The following WASF3 variants were observed in gnomAD, a reference collection of about 807,000 sequenced individuals.
The protein encoded by WASF3 is actin-binding protein WASF3.
Under a neutral mutation model 46.6 loss-of-function variants are expected in WASF3, and 11 were observed. The ratio of observed to expected loss-of-function variants is 0.24; its 90% CI spans 0.15 to 0.39. The LOEUF (loss-of-function observed/expected upper bound fraction) is 0.39, where lower values mean the gene tolerates loss of function less well. Ranked by LOEUF, WASF3 falls within the 10% of genes least tolerant of loss-of-function variation. The pLI, the probability that WASF3 is intolerant of heterozygous loss-of-function variation, is 1.00. For missense variants in WASF3, 576 were observed against 669.8 expected (o/e 0.86, Z 1.55); for synonymous variants, 242 against 259.7 (o/e 0.93, Z 0.65).
chr13:26,658,876 G>A (rs2137449904), intron 3 of WASF3, among the ~76,000 whole-genome samples: 1 of 152,336 alleles, frequency 6.6e-6, no homozygotes, highest in East Asian at 1.9e-4. Flanking sequence ...CCAGGACTCA[G>A]TTCTTATGTT....
the WASF3 span, among the ~76,000 whole-genome samples, chr13:26,546,436 T>A: frequency 6.6e-6 from 1 of 152,234 alleles, no homozygotes; most frequent in Admixed American, 6.5e-5. Context: ...GTGCGGTGGC[T>A]CACGCCTGCA....
At chr13:26,575,011 T>G (rs1226140758) in intron 1 of WASF3, among the ~76,000 whole-genome samples, 2 of 152,134 alleles carry the variant, frequency 1.3e-5, no homozygotes, top group Non-Finnish European at 2.9e-5. Context: ...TAATTTTTTG[T>G]ATTTTTACTA....
At chr13:26,578,219 AG>A in intron 1 of WASF3, among the ~76,000 whole-genome samples, 1 of 152,240 alleles carries the variant, frequency 6.6e-6, no homozygotes, top group East Asian at 1.9e-4. Flanking sequence ...TCCTGATTTC[AG>A]GGGGAAAGCA....
chr13:26,629,058 C>T (rs1881568875), intron 2 of WASF3, among the ~76,000 whole-genome samples: 1 of 152,212 alleles, frequency 6.6e-6, no homozygotes, highest in Admixed American at 6.5e-5. Context: ...GTGATGTGAC[C>T]ATTGGATCCT....
intron 2 of WASF3, among the ~76,000 whole-genome samples, chr13:26,616,287 T>C (rs1449830149): frequency 2.0e-5 from 3 of 152,218 alleles, no homozygotes; most frequent in South Asian, 4.1e-4. Context: ...AACAGTCTTT[T>C]TAAGTTTAGC....
At chr13:26,583,894 TGCA>T (rs1228353761) in intron 1 of WASF3, among the ~76,000 whole-genome samples, 1 of 152,218 alleles carries the variant, frequency 6.6e-6, no homozygotes, top group East Asian at 1.9e-4. Context: ...AGGTTTGCAG[TGCA>T]GAAGCTGAAA....
At chr13:26,596,970 C>T (rs1880486999) in intron 1 of WASF3, among the ~76,000 whole-genome samples, 1 of 152,096 alleles carries the variant, frequency 6.6e-6, no homozygotes, top group Non-Finnish European at 1.5e-5. Context: ...TGAAATCTTC[C>T]AACTGCTCAT....
At chr13:26,626,869 A>G (rs1881479919) in intron 2 of WASF3, among the ~76,000 whole-genome samples, 1 of 152,200 alleles carries the variant, frequency 6.6e-6, no homozygotes, top group South Asian at 2.1e-4. Context: ...TACAGAAACA[A>G]AAACTGATAG....
At chr13:26,576,330 CT>C (rs1029134171) in intron 1 of WASF3, among the ~76,000 whole-genome samples, 2 of 151,250 alleles carry the variant, frequency 1.3e-5, no homozygotes, top group Middle Eastern at 3.4e-3. Flanking sequence ...TCATTACTTT[CT>C]TTTTTTTTCC....
At chr13:26,648,200 G>A (rs1216388779) in intron 3 of WASF3, among the ~76,000 whole-genome samples, 1 of 152,018 alleles carries the variant, frequency 6.6e-6, no homozygotes, top group Non-Finnish European at 1.5e-5. Context: ...GTCATAAATG[G>A]CCCAAAATCC....
intron 3 of WASF3, among the ~76,000 whole-genome samples, chr13:26,650,106 G>T (rs991739489): frequency 6.6e-6 from 1 of 152,114 alleles, no homozygotes; most frequent in Admixed American, 6.5e-5. Context: ...TTTTTAACAT[G>T]CCTGCCCTCA....
intron 2 of WASF3, among the ~76,000 whole-genome samples, chr13:26,624,629 C>G (rs1286586293): frequency 6.6e-6 from 1 of 151,782 alleles, no homozygotes; most frequent in Non-Finnish European, 1.5e-5. Flanking sequence ...CTCAGAGAAC[C>G]CCAAGCAGGA....
At chr13:26,545,965 A>G in the WASF3 span, among the ~76,000 whole-genome samples, 1 of 152,190 alleles carries the variant, frequency 6.6e-6, no homozygotes, top group South Asian at 2.1e-4. Context: ...AAATTATCTT[A>G]CTTAAAATGT....
chr13:26,543,816 T>C, the WASF3 span, among the ~76,000 whole-genome samples: 7 of 152,224 alleles, frequency 4.6e-5, no homozygotes, highest in African/African-American at 1.7e-4. Flanking sequence ...CTGGTTTCCA[T>C]TGGCAATCGA....
intron 2 of WASF3, among the ~76,000 whole-genome samples, chr13:26,621,117 C>T (rs1262167200): frequency 6.6e-6 from 1 of 152,114 alleles, no homozygotes; most frequent in Non-Finnish European, 1.5e-5. Context: ...TCCCATTCCC[C>T]ACTGAGAATG....
At chr13:26,630,727 A>T (rs1593158637) in intron 2 of WASF3, among the ~76,000 whole-genome samples, 1 of 152,204 alleles carries the variant, frequency 6.6e-6, no homozygotes, top group Admixed American at 6.5e-5. Flanking sequence ...TCCTTGAGGA[A>T]TCACCACACT....
chr13:26,590,475 A>G (rs1019660493), intron 1 of WASF3, among the ~76,000 whole-genome samples: 7 of 152,352 alleles, frequency 4.6e-5, no homozygotes, highest in Non-Finnish European at 8.8e-5. Flanking sequence ...TTACTCCTAC[A>G]GATGTCACCT....
rs150790840 is a variant in WASF3 at position 26,664,723 on chromosome 13, G to C, written c.134-305G>C. 2.3e-3 allele frequency among the ~76,000 whole-genome samples: 343 copies of C among 152,354 alleles called. 2 individuals carry two copies. The highest frequency in any genetic ancestry group is 4.2e-3 in the Non-Finnish European group (289 of 68,030). Reference sequence around the variant, plus strand: ...CTGAGATTGTATTTACACTTAAAGCGTGAAAAATGAGAACTTAAGTTGCAG... The same window carrying C: ...CTGAGATTGTATTTACACTTAAAGCCTGAAAAATGAGAACTTAAGTTGCAG... On this transcript the variant is annotated intron_variant, in intron 3 of 9. Transcript: ENST00000335327.
At chr13:26,565,256 G>A (rs925721388) in intron 1 of WASF3, among the ~76,000 whole-genome samples, 2 of 151,890 alleles carry the variant, frequency 1.3e-5, no homozygotes, top group African/African-American at 2.4e-5. Flanking sequence ...TGTGGTACAC[G>A]GGAGAAACTC....
Sources: gnomAD v4.1 joint callset for allele counts (sites outside exome capture counted in the v4.1 genomes callset) on GRCh38, gnomAD v4.1.1 for gene constraint, MANE v1.5 for transcripts, NCBI Gene and HGNC (gene_info 2026-07-23, HGNC 2026-07-21) for gene names.